SVEP1: variants seen among roughly 807,000 people sequenced by gnomAD.
SVEP1 encodes sushi, von Willebrand factor type A, EGF and pentraxin domain containing 1.
A neutral mutation model predicts 367.3 loss-of-function variants in SVEP1; 164 were observed. That is an observed-to-expected ratio of 0.45 (90% CI 0.39 to 0.51). SVEP1 has a LOEUF of 0.51. SVEP1 is among the 20% of genes least tolerant of loss of function. The probability of loss-of-function intolerance (pLI) is 0.00; values close to 1 mark genes in which losing one functional copy is unlikely to be tolerated. For synonymous variants in SVEP1, 1,666 were observed against 1,611.6 expected (o/e 1.03, Z -0.81); for missense variants, 4,117 against 4,425.3 (o/e 0.93, Z 1.98).
intron 36 of SVEP1, 97 bp from the exon 37 acceptor site, chr9:110,411,832 T>A: frequency 8.8e-7 from 1 of 1,140,044 alleles, no homozygotes; most frequent in South Asian, 1.9e-5. Context: ...CCACAATGAC[T>A]TTAAATTTAT....
chr9:110,417,157 G>A (rs1169782), intron 36 of SVEP1, among the ~76,000 whole-genome samples: 22,202 of 151,328 alleles, frequency 0.15, 2,193 homozygotes, highest in East Asian at 0.43. Flanking sequence ...AGCTCCCAGC[G>A]TGAGCGACGC....
intron 43 of SVEP1, among the ~76,000 whole-genome samples, chr9:110,385,307 A>T (rs1361794901): frequency 6.6e-6 from 1 of 152,220 alleles, no homozygotes; most frequent in South Asian, 2.1e-4. Context: ...AAATGGAGTT[A>T]AAAAGTGTGC....
At position 110,455,651 on chromosome 9, in the gene SVEP1, G is replaced by T; in HGVS notation, c.3726C>A (p.Asn1242Lys). Residue 1242 changes from asparagine to lysine, a missense_variant, in exon 22 of 48, where the codon AAC (asparagine) becomes AAA (lysine). Asn to Lys is a moderately conservative substitution (Grantham distance 94). Coordinates refer to ENST00000374469, the MANE Select transcript of SVEP1 (RefSeq NM_153366.4). ...IDECSPLPCL[N>K]NGVCKDLVGE... is the part of the protein sequence containing the mutation. The stretch of plus-strand genomic sequence containing the variant: ...CAACTAGGTCTTTACAAACTCCATT[G>T]TTGAGGCAAGGCAGTGGGCTGCACT... The T allele has an allele frequency of 1.2e-6, 2 of 1,613,460 alleles. No homozygotes were observed. Among genetic ancestry groups the T allele is most frequent in the East Asian group, 2.2e-5 (1 of 44,840 alleles).
chr9:110,430,375 T>G lies in SVEP1; in HGVS notation c.5429A>C (p.Glu1810Ala), dbSNP rs2986671. Reference protein sequence around the residue: ...SSGEIYTVGAEVTFSCQEGYQ... With the variant: ...SSGEIYTVGAAVTFSCQEGYQ... ...TCCTTCCTGACACGAAAATGTGACT[T>G]CGGCACCTACTGTATAAATCTCACC... Residue 1810 changes from glutamate (E) to alanine (A), a missense_variant, in exon 33 of 48, where the codon GAA becomes GCA. By Grantham distance (107) the Glu-to-Ala change is moderately radical (BLOSUM62 -1). Coordinates refer to ENST00000374469, the MANE Select transcript of SVEP1 (RefSeq NM_153366.4). 286,150 of 1,612,688 alleles carry G rather than the reference T, an allele frequency of 0.18. 28,542 individuals carry two copies. The highest frequency in any genetic ancestry group is 0.42 in the East Asian group (18,833 of 44,836).
rs35109985 is a variant in SVEP1 at position 110,392,133 on chromosome 9, T to TTATATATATATATATATATATATA, written c.9823-2547_9823-2546insTATATATATATATATATATATATA. ...CATTAACTTGTGACCCAATTCCTCA[T>TTATATATATATATATATATATATA]TATATATATATATATATATATCTCT... On this transcript the variant is annotated intron_variant, in intron 40 of 47. Coordinates refer to ENST00000374469, the MANE Select transcript of SVEP1 (RefSeq NM_153366.4). Among the ~76,000 whole-genome samples, 269 of 99,326 alleles carry TTATATATATATATATATATATATA rather than the reference T, an allele frequency of 2.7e-3. 1 individual carries two copies. Among genetic ancestry groups the TTATATATATATATATATATATATA allele is most frequent in the Middle Eastern group, 0.011 (2 of 180 alleles). The allele number at this position is 99,326 out of a possible 152,430, so 65.2% of individuals were successfully genotyped here.
intron 41 of SVEP1, among the ~76,000 whole-genome samples, chr9:110,388,628 T>C (rs1212307460): frequency 6.6e-6 from 1 of 152,148 alleles, no homozygotes; most frequent in Non-Finnish European, 1.5e-5. Flanking sequence ...AGATCACAGA[T>C]CTTAACCTTG....
At chr9:110,529,146 G>A (rs1829983911) in intron 3 of SVEP1, among the ~76,000 whole-genome samples, 1 of 151,960 alleles carries the variant, frequency 6.6e-6, no homozygotes, top group African/African-American at 2.4e-5. Context: ...TTTCCCCAGT[G>A]TGTATATTTT....
At chr9:110,569,723 T>C (rs1671414324) in intron 1 of SVEP1, among the ~76,000 whole-genome samples, 1 of 152,248 alleles carries the variant, frequency 6.6e-6, no homozygotes, top group South Asian at 2.1e-4. Context: ...AAATTACATT[T>C]ATTCACATAA....
At chr9:110,546,950 A>T (rs1172503955) in intron 2 of SVEP1, among the ~76,000 whole-genome samples, 1 of 152,216 alleles carries the variant, frequency 6.6e-6, no homozygotes, top group Non-Finnish European at 1.5e-5. Context: ...AGAATCACAC[A>T]AACAGTAAGT....
At chr9:110,423,168 T>TAAAAAAAAAAAAAAAAAAAAAAAAA in intron 36 of SVEP1, among the ~76,000 whole-genome samples, 10 of 103,640 alleles carry the variant, frequency 9.6e-5, no homozygotes, top group African/African-American at 1.4e-4. Flanking sequence ...AAAAATAAAG[T>TAAAAAAAAAAAAAAAAAAAAAAAAA]AAAAAAAAAA....
intron 2 of SVEP1, 39 bp downstream of exon 2, chr9:110,549,810 T>C (rs373902856): frequency 4.2e-5 from 67 of 1,606,464 alleles, no homozygotes; most frequent in Non-Finnish European, 5.4e-5. Flanking sequence ...GGAAGCCTCA[T>C]TTAAAAGTAC....
At chr9:110,366,835 G>T (rs1278547565) in intron 47 of SVEP1, among the ~76,000 whole-genome samples, 2 of 152,170 alleles carry the variant, frequency 1.3e-5, no homozygotes, top group African/African-American at 4.8e-5. Flanking sequence ...TCTCTCTTCT[G>T]TAAAATGAGG....
intron 42 of SVEP1, among the ~76,000 whole-genome samples, chr9:110,387,048 G>C (rs1484447722): frequency 6.6e-6 from 1 of 151,866 alleles, no homozygotes; most frequent in South Asian, 2.1e-4. Flanking sequence ...TTTTCATTAA[G>C]TTGCATTTTC....
chr9:110,401,053 T>C (rs536116865), intron 39 of SVEP1, 44 bp from the exon 40 acceptor site: 20 of 1,592,344 alleles, frequency 1.3e-5, no homozygotes, highest in Non-Finnish European at 1.5e-5. Flanking sequence ...TAGAAGTTAA[T>C]ACATATGAAT....
At position 110,401,059 on chromosome 9, in the gene SVEP1, T is replaced by C. The variant is rs774419434; in HGVS notation, c.9667-50A>G. The C allele has an allele frequency of 1.4e-5, 23 of 1,589,982 alleles. No individual in the cohort carries two copies. The African/African-American group carries it at 3.1e-4, about 22-fold the overall frequency. The stretch of plus-strand genomic sequence containing the variant: ...AGTTATGTTTAGAAGTTAATACATA[T>C]GAATGAAGAAATTTGCAAATATTGG... On this transcript the variant is annotated intron_variant, in intron 39 of 47. Coordinates refer to ENST00000374469, the MANE Select transcript of SVEP1 (RefSeq NM_153366.4).
chr9:110,527,564 T>C (rs1829955801), intron 3 of SVEP1, among the ~76,000 whole-genome samples: 1 of 152,106 alleles, frequency 6.6e-6, no homozygotes, highest in Admixed American at 6.6e-5. Flanking sequence ...AAAGTATCAA[T>C]TAATGTTTGC....
At chr9:110,528,156 G>GTATATATATATATATA (rs59360366) in intron 3 of SVEP1, among the ~76,000 whole-genome samples, 48 of 33,930 alleles carry the variant, frequency 1.4e-3, no homozygotes, top group Admixed American at 1.8e-3. Flanking sequence ...GTGTGTGTGT[G>GTATATATATATATATA]TATATATATA....
intron 13 of SVEP1, 63 bp from the exon 14 acceptor site, chr9:110,476,378 C>A: frequency 8.0e-7 from 1 of 1,257,134 alleles, no homozygotes. Context: ...TGGATAAACA[C>A]TTTGCTCCCC....
At chr9:110,430,740 G>T (rs1459653437) in intron 32 of SVEP1, among the ~76,000 whole-genome samples, 1 of 152,220 alleles carries the variant, frequency 6.6e-6, no homozygotes, top group African/African-American at 2.4e-5. Flanking sequence ...TGGTGCTAGA[G>T]AGTGGCTTAG....
Sources: gnomAD v4.1 joint callset for allele counts (sites outside exome capture counted in the v4.1 genomes callset) on GRCh38, gnomAD v4.1.1 for gene constraint, MANE v1.5 for transcripts, NCBI Gene and HGNC (gene_info 2026-07-23, HGNC 2026-07-21) for gene names.